Variants in PDZD2 observed in about 807,000 individuals in gnomAD.
PDZD2 encodes the protein PDZ domain containing 2.
In PDZD2, 90 loss-of-function variants were observed where a neutral mutation model predicts 220.7. The ratio of observed to expected loss-of-function variants is 0.41; its 90% CI spans 0.34 to 0.49. The LOEUF (loss-of-function observed/expected upper bound fraction) is 0.49. Among genes scored for constraint, PDZD2 ranks in the 20% least tolerant of loss-of-function variants. PDZD2 has a pLI of 0.28. For synonymous variants in PDZD2, 1,375 were observed against 1,450.5 expected (o/e 0.95, Z 1.18); for missense variants, 3,174 against 3,608.5 (o/e 0.88, Z 3.08).
chr5:31,687,055 G>C (rs1318659549), intron 1 of PDZD2, among the ~76,000 whole-genome samples: 2 of 151,892 alleles, frequency 1.3e-5, no homozygotes, highest in African/African-American at 4.8e-5. Context: ...TTCATCTGGG[G>C]TGGGACATAA....
intron 2 of PDZD2, among the ~76,000 whole-genome samples, chr5:31,889,882 GTGGTAGTGCAC>G (rs2061919700): frequency 2.0e-5 from 3 of 152,130 alleles, no homozygotes; most frequent in Admixed American, 2.0e-4. Context: ...TTAGCCGGGT[GTGGTAGTGCAC>G]ACCTTGTAAT....
intron 1 of PDZD2, among the ~76,000 whole-genome samples, chr5:31,754,893 T>G (rs1277778990): frequency 6.6e-6 from 1 of 152,196 alleles, no homozygotes; most frequent in East Asian, 1.9e-4. Flanking sequence ...AGAACAACAT[T>G]TGGTGTGTTT....
intron 24 of PDZD2, among the ~76,000 whole-genome samples, chr5:32,105,208 C>A (rs1381943928): frequency 6.6e-6 from 1 of 151,794 alleles, no homozygotes; most frequent in African/African-American, 2.4e-5. Context: ...AAGAAAAATA[C>A]AAGAGAGAAA....
intron 2 of PDZD2, among the ~76,000 whole-genome samples, chr5:31,936,817 C>T (rs984702677): frequency 2.6e-5 from 4 of 152,218 alleles, no homozygotes; most frequent in Middle Eastern, 3.4e-3. Context: ...TGTGAAATAT[C>T]CAGAAATTGA....
Position 32,061,070 on chromosome 5 carries a change from C to G in PDZD2, c.2387C>G (p.Ala796Gly). The change falls in exon 14 of 25, where the codon GCC (alanine) becomes GGC (glycine). Residue 796 changes from alanine to glycine, a missense_variant. Ala to Gly is a moderately conservative substitution (Grantham distance 60). This residue lies in a region of PDZD2 where 1,861 missense variants were observed against 2,001.0 expected (regional missense o/e 0.93). Transcript: ENST00000438447. ...CATGCTGCTTTAAGCAAAGTCCACGCCATCTTGAGTAAATGCCCTCCAGGA... is the reference window on the plus strand; with the variant it reads ...CATGCTGCTTTAAGCAAAGTCCACGGCATCTTGAGTAAATGCCCTCCAGGA... ...VRHAALSKVH[A>G]ILSKCPPGPV... 1.2e-6 allele frequency: 2 copies of G among 1,614,090 alleles called. No homozygotes were observed. Among genetic ancestry groups the G allele is most frequent in the Admixed American group, 3.3e-5 (2 of 60,024 alleles).
chr5:31,717,864 T>A lies in PDZD2; in HGVS notation c.-361+78427T>A, dbSNP rs185394442. Among the ~76,000 whole-genome samples, 278 of 152,270 alleles carry A rather than the reference T, an allele frequency of 1.8e-3. 1 individual carries two copies. Among genetic ancestry groups the A allele is most frequent in the Middle Eastern group, 6.8e-3 (2 of 294 alleles). ...GAGTCTTGCTTCAGATGCTCTGTCGTCCCTGGAAACCACTGTCTCTGGAAG... is the reference window on the plus strand; with the variant it reads ...GAGTCTTGCTTCAGATGCTCTGTCGACCCTGGAAACCACTGTCTCTGGAAG... On this transcript the variant is annotated intron_variant, in intron 1 of 24. Transcript: ENST00000438447.
chr5:31,666,646 T>A (rs1197758139), intron 1 of PDZD2, among the ~76,000 whole-genome samples: 4 of 152,178 alleles, frequency 2.6e-5, no homozygotes, highest in Non-Finnish European at 5.9e-5. Context: ...TGGGACAGAA[T>A]ACAGTCGGTT....
chr5:31,722,398 C>T (rs992411206), intron 1 of PDZD2, among the ~76,000 whole-genome samples: 2 of 152,018 alleles, frequency 1.3e-5, no homozygotes, highest in Non-Finnish European at 2.9e-5. Context: ...CTGGAACCCT[C>T]CCACCCTCTC....
chr5:31,894,058 CTT>C (rs35969573), intron 2 of PDZD2, among the ~76,000 whole-genome samples: 7,788 of 69,394 alleles, frequency 0.11, 512 homozygotes, highest in African/African-American at 0.22. Flanking sequence ...CCACGCCCAG[CTT>C]TTTTTTTTTT....
intron 1 of PDZD2, among the ~76,000 whole-genome samples, chr5:31,647,132 A>G (rs906106286): frequency 5.3e-5 from 8 of 152,156 alleles, no homozygotes; most frequent in African/African-American, 1.9e-4. Flanking sequence ...TCACCTGCTC[A>G]GCTTCCCAGG....
Position 32,089,856 on chromosome 5 carries a change from C to G in PDZD2, c.6408C>G (p.Val2136=), listed in dbSNP as rs576489739. 1.1e-5 allele frequency: 17 copies of G among 1,613,064 alleles called. No homozygotes were observed. The highest frequency in any genetic ancestry group is 3.3e-5 in the Admixed American group (2 of 60,004). ...EKSEIRLYRQ[V]AESSTSHPSS... is the part of the protein sequence containing the mutation. ...GTGAAATCAGGCTCTATCGCCAGGT[C>G]GCAGAATCATCCACAAGTCATCCAT... The change falls in exon 20 of 25, where the codon GTC becomes GTG. Residue 2136 remains valine, a synonymous_variant. Coordinates refer to ENST00000438447, the MANE Select transcript of PDZD2 (RefSeq NM_178140.4).
intron 2 of PDZD2, among the ~76,000 whole-genome samples, chr5:31,833,520 G>T (rs62348976): frequency 2.0e-5 from 3 of 150,766 alleles, no homozygotes; most frequent in Non-Finnish European, 4.4e-5. Context: ...TCCTGAGCTC[G>T]TAATCCGCCC....
chr5:32,019,139 C>CTTTTTTT (rs3037908), intron 6 of PDZD2, among the ~76,000 whole-genome samples: 5 of 106,194 alleles, frequency 4.7e-5, no homozygotes, highest in Non-Finnish European at 5.4e-5. Flanking sequence ...CATAGAAAAG[C>CTTTTTTT]TTTTTTTTTT....
At chr5:32,040,820 C>A (rs1756047056) in intron 7 of PDZD2, among the ~76,000 whole-genome samples, 1 of 150,282 alleles carries the variant, frequency 6.7e-6, no homozygotes, top group African/African-American at 2.5e-5. Context: ...CTCTGCCCAG[C>A]CGCCCTGTCT....
intron 1 of PDZD2, among the ~76,000 whole-genome samples, chr5:31,695,535 G>T (rs916816908): frequency 6.6e-6 from 1 of 152,092 alleles, no homozygotes; most frequent in Non-Finnish European, 1.5e-5. Flanking sequence ...ATGCATTTTT[G>T]TACTAACTTG....
chr5:32,013,385 G>GT (rs1280432549), intron 6 of PDZD2, among the ~76,000 whole-genome samples: 23 of 149,512 alleles, frequency 1.5e-4, no homozygotes, highest in African/African-American at 5.7e-4. Context: ...TTAGTCAAAG[G>GT]TTTTTTTCTG....
At chr5:31,923,284 A>C (rs1395490939) in intron 2 of PDZD2, 1 of 574,154 alleles carries the variant, frequency 1.7e-6, no homozygotes, top group Non-Finnish European at 3.1e-6. Flanking sequence ...TAGATAAGTA[A>C]AAATAAAAAT....
chr5:32,029,329 TAAAAAAA>T (rs34025632), intron 6 of PDZD2, among the ~76,000 whole-genome samples: 6 of 65,834 alleles, frequency 9.1e-5, no homozygotes, highest in East Asian at 5.8e-4. Context: ...TCAAGAACTG[TAAAAAAA>T]AAAAAAAAAA....
intron 1 of PDZD2, among the ~76,000 whole-genome samples, chr5:31,736,591 T>G (rs1049311349): frequency 9.2e-5 from 14 of 152,222 alleles, no homozygotes; most frequent in African/African-American, 3.1e-4. Context: ...AGTTTAGAGA[T>G]GAGCACTGGT....
Sources: allele counts gnomAD v4.1 joint callset (sites outside exome capture counted in the v4.1 genomes callset), GRCh38; gene constraint gnomAD v4.1.1; regional missense constraint gnomAD v4.1.1; transcripts MANE v1.5; gene names NCBI Gene and HGNC (gene_info 2026-07-23, HGNC 2026-07-21).